The following ADAM29 variants were observed in gnomAD, a reference collection of about 807,000 sequenced individuals.
The protein encoded by ADAM29 is disintegrin and metalloproteinase domain-containing protein 29.
For synonymous variants in ADAM29, 367 were observed against 342.3 expected (o/e 1.07, Z -0.80); for missense variants, 969 against 1,001.8 (o/e 0.97, Z 0.44).
chr4:174,950,868 G>A (rs756196294), intron 4 of ADAM29, among the ~76,000 whole-genome samples: 1 of 151,940 alleles, frequency 6.6e-6, no homozygotes, highest in African/African-American at 2.4e-5. Context: ...GAAAGTGTGT[G>A]GCACTTTCCC....
chr4:174,928,452 G>T (rs1743646936), intron 2 of ADAM29, among the ~76,000 whole-genome samples: 1 of 151,720 alleles, frequency 6.6e-6, no homozygotes, highest in East Asian at 1.9e-4. Flanking sequence ...TAGCCCTGGG[G>T]GAGCTGTGCG....
intron 4 of ADAM29, among the ~76,000 whole-genome samples, chr4:174,972,865 A>AT (rs1746547497): frequency 6.6e-6 from 1 of 152,046 alleles, no homozygotes; most frequent in South Asian, 2.1e-4. Context: ...GAGAGCTGGA[A>AT]TTTTTTGTCT....
intron 4 of ADAM29, among the ~76,000 whole-genome samples, chr4:174,948,940 A>C (rs1240439264): frequency 6.6e-6 from 1 of 152,112 alleles, no homozygotes; most frequent in Non-Finnish European, 1.5e-5. Flanking sequence ...GCAAAGTGGT[A>C]AGGGGGCCGT....
intron 4 of ADAM29, among the ~76,000 whole-genome samples, chr4:174,972,778 G>A (rs1309451192): frequency 6.6e-6 from 1 of 152,114 alleles, no homozygotes; most frequent in East Asian, 1.9e-4. Flanking sequence ...CCAGTTCTTT[G>A]GAGAGCCCTG....
At position 174,957,955 on chromosome 4, in the gene ADAM29, G is replaced by C. The variant is rs182290261; in HGVS notation, c.-180-17391G>C. Among the ~76,000 whole-genome samples the C allele has an allele frequency of 2.0e-5, 3 of 151,836 alleles. No individual in the cohort carries two copies. The East Asian group carries it at 5.8e-4, about 29-fold the overall frequency. On this transcript the variant is annotated intron_variant, in intron 4 of 4. Transcript: ENST00000359240. ...TTCACTGCTCATGGATCACAGCTTTGCCAGTATTCTGAGTATTTGGAGATT... is the reference window on the plus strand; with the variant it reads ...TTCACTGCTCATGGATCACAGCTTTCCCAGTATTCTGAGTATTTGGAGATT...
chr4:174,951,804 C>T (rs982394124), intron 4 of ADAM29, among the ~76,000 whole-genome samples: 12 of 152,138 alleles, frequency 7.9e-5, no homozygotes, highest in Admixed American at 2.0e-4. Context: ...CTTTTCCCTG[C>T]TTATAGAATC....
chr4:174,928,526 G>C (rs566081303), intron 2 of ADAM29, among the ~76,000 whole-genome samples: 2 of 138,572 alleles, frequency 1.4e-5, no homozygotes, highest in South Asian at 2.3e-4. Context: ...TGGTTGGGGT[G>C]ACCCTAACAT....
intron 1 of ADAM29, chr4:174,919,050 G>A (rs1229194658): frequency 6.6e-6 from 1 of 151,974 alleles, no homozygotes; most frequent in African/African-American, 2.4e-5. Flanking sequence ...CTTTAACCAG[G>A]GCCTCAAGGA....
rs1250694174 is a variant in ADAM29, at chr4:174,977,240, A to G, written c.1715A>G (p.His572Arg). The stretch of plus-strand genomic sequence containing the variant: ...AATATGAGTGATCATACTACTGTGC[A>G]TTGGGCTCGCTTCAATGACATAATG... ...IPNMSDHTTV[H>R]WARFNDIMCW... The change falls in exon 5 of 5, where the codon CAT (histidine) becomes CGT (arginine). Residue 572 changes from histidine (H) to arginine (R), a missense_variant. Transcript: ENST00000359240. 6 of 1,614,088 alleles carry G rather than the reference A, an allele frequency of 3.7e-6. No homozygotes were observed. The highest frequency in any genetic ancestry group is 5.1e-6 in the Non-Finnish European group (6 of 1,180,030).
At chr4:174,971,363 G>A (rs946063484) in intron 4 of ADAM29, among the ~76,000 whole-genome samples, 2 of 152,080 alleles carry the variant, frequency 1.3e-5, no homozygotes, top group Non-Finnish European at 2.9e-5. Context: ...TCAACTTGAA[G>A]AACTCCTTTT....
intron 4 of ADAM29, among the ~76,000 whole-genome samples, chr4:174,967,502 A>G (rs1322568349): frequency 1.3e-5 from 2 of 149,810 alleles, no homozygotes; most frequent in Non-Finnish European, 3.0e-5. Context: ...CATTTAATTC[A>G]CATCCTTTAA....
chr4:174,963,690 AT>A (rs5864300), intron 4 of ADAM29, among the ~76,000 whole-genome samples: 53,465 of 150,272 alleles, frequency 0.36, 9,318 homozygotes, highest in Middle Eastern at 0.42. Flanking sequence ...AGGTTTTTTT[AT>A]TTTTTTTCTG....
At chr4:174,949,476 T>G (rs889753627) in intron 4 of ADAM29, among the ~76,000 whole-genome samples, 96 of 152,120 alleles carry the variant, frequency 6.3e-4, no homozygotes, top group African/African-American at 2.2e-3. Flanking sequence ...ATGATAAGTG[T>G]AGGTCACTCC....
intron 4 of ADAM29, among the ~76,000 whole-genome samples, chr4:174,960,953 T>C (rs1022160029): frequency 6.6e-6 from 1 of 152,136 alleles, no homozygotes; most frequent in Non-Finnish European, 1.5e-5. Context: ...TCTCCTTTGC[T>C]TCAACCTTAC....
At position 174,976,692 on chromosome 4, in the gene ADAM29, A is replaced by G; in HGVS notation, c.1167A>G (p.Val389=). 1 of 1,614,062 alleles carries G rather than the reference A, an allele frequency of 6.2e-7. No homozygotes were observed. The highest frequency in any genetic ancestry group is 1.7e-5 in the Admixed American group (1 of 60,006). The change falls in exon 5 of 5, where the codon GTA becomes GTG. Residue 389 remains valine (V), a synonymous_variant. Transcript: ENST00000359240. ...VERTKCLLET[V]HTKDIFNVKR... ...GGACAAAGTGTTTGCTTGAAACAGT[A>G]CACACAAAGGACATCTTTAATGTGA...
At chr4:174,963,451 C>G (rs1032835535) in intron 4 of ADAM29, among the ~76,000 whole-genome samples, 1 of 151,950 alleles carries the variant, frequency 6.6e-6, no homozygotes, top group African/African-American at 2.4e-5. Flanking sequence ...TTCAGAGATT[C>G]AGTGGTAAAA....
rs761103217 is a variant in ADAM29, at chr4:174,928,569, T to TTAAAAAA, written c.-450-2417_-450-2416insTAAAAAA. 5.1e-4 allele frequency among the ~76,000 whole-genome samples: 67 copies of TTAAAAAA among 131,834 alleles called. 2 individuals are homozygous for TTAAAAAA. Among genetic ancestry groups the TTAAAAAA allele is most frequent in the South Asian group, 1.3e-3 (5 of 3,962 alleles). 86.5% of individuals were successfully genotyped at this position (131,834 alleles called of 152,430 possible). ...CTCTACAAATTCCCTGTCATGTGCT[T>TTAAAAAA]AAAAAAAAAAAAGACACCAGCCAGA... On this transcript the variant is annotated intron_variant, in intron 2 of 4. Coordinates refer to ENST00000359240, the MANE Select transcript of ADAM29 (RefSeq NM_014269.4).
chr4:174,977,621 A>G lies in ADAM29; in HGVS notation c.2096A>G (p.Lys699Arg). The G allele has an allele frequency of 6.2e-7, 1 of 1,613,920 alleles. No homozygotes were observed. The highest frequency in any genetic ancestry group is 8.5e-7 in the Non-Finnish European group (1 of 1,179,968). Reference protein sequence around the residue: ...ILLCCLYRLCKKSKPIKKQQD... With the variant: ...ILLCCLYRLCRKSKPIKKQQD... ...TTATGTTGTCTTTATCGACTTTGTAAAAAAAGTAAACCAATAAAAAAGCAG... is the reference window on the plus strand; with the variant it reads ...TTATGTTGTCTTTATCGACTTTGTAGAAAAAGTAAACCAATAAAAAAGCAG... The change falls in exon 5 of 5, where the codon AAA becomes AGA. Residue 699 changes from lysine (K) to arginine (R), a missense_variant. Coordinates refer to ENST00000359240, the MANE Select transcript of ADAM29 (RefSeq NM_014269.4).
intron 4 of ADAM29, among the ~76,000 whole-genome samples, chr4:174,940,035 A>C (rs188067207): frequency 1.9e-4 from 28 of 145,784 alleles, no homozygotes; most frequent in African/African-American, 5.9e-4. Flanking sequence ...TTTCCCTTTT[A>C]TTGAGGAGTC....
Sources: allele counts gnomAD v4.1 joint callset (sites outside exome capture counted in the v4.1 genomes callset), GRCh38; gene constraint gnomAD v4.1.1; transcripts MANE v1.5; gene names NCBI Gene and HGNC (gene_info 2026-07-23, HGNC 2026-07-21).